Variants in FAM168A observed in about 807,000 individuals in gnomAD.
The protein encoded by FAM168A is family with sequence similarity 168 member A, also known as protein FAM168A.
In FAM168A, 3 loss-of-function variants were observed where a neutral mutation model predicts 28.5. The ratio of observed to expected loss-of-function variants is 0.11; its 90% CI spans 0.05 to 0.27. The LOEUF (loss-of-function observed/expected upper bound fraction) is 0.27, where lower values mean the gene tolerates loss of function less well. FAM168A is among the 10% of genes least tolerant of loss of function. The pLI, the probability that FAM168A is intolerant of heterozygous loss-of-function variation, is 1.00. For missense variants in FAM168A, 222 were observed against 311.5 expected (o/e 0.71, Z 2.16); for synonymous variants, 122 against 124.2 (o/e 0.98, Z 0.12).
intron 1 of FAM168A, among the ~76,000 whole-genome samples, chr11:73,581,867 C>T (rs572532867): frequency 6.6e-6 from 1 of 152,056 alleles, no homozygotes; most frequent in Non-Finnish European, 1.5e-5. Context: ...TACAGGCATG[C>T]GCCACCATGC....
intron 1 of FAM168A, among the ~76,000 whole-genome samples, chr11:73,529,854 G>A (rs1016613590): frequency 1.4e-5 from 2 of 142,934 alleles, no homozygotes; most frequent in Admixed American, 7.2e-5. Flanking sequence ...GAGAGCAATC[G>A]CAGCTCACTG....
At chr11:73,468,343 G>C (rs1867767089) in intron 2 of FAM168A, 62 bp downstream of exon 2, 4 of 1,510,048 alleles carry the variant, frequency 2.6e-6, no homozygotes, top group Non-Finnish European at 3.7e-6. Context: ...GGAGGAGCAA[G>C]TTATTTGGTA....
intron 2 of FAM168A, among the ~76,000 whole-genome samples, chr11:73,454,132 A>T (rs551988406): frequency 2.0e-4 from 30 of 152,166 alleles, no homozygotes; most frequent in Non-Finnish European, 4.0e-4. Flanking sequence ...CCTCATCTTA[A>T]TCTGTTTCTG....
chr11:73,498,533 A>T lies in FAM168A; in HGVS notation c.-18-30041T>A, dbSNP rs1363643458. ...GGAGGGGCGACCAGCACTGGGTTGC[A>T]GTGGCCCACTGTCTAAGCCGTTTGA... On this transcript the variant is annotated intron_variant, in intron 1 of 7. Transcript: ENST00000356467. Among the ~76,000 whole-genome samples the T allele has an allele frequency of 3.3e-5, 5 of 152,130 alleles. No homozygotes were observed. In the South Asian group the frequency reaches 1.0e-3, roughly 32 times the overall value.
intron 1 of FAM168A, among the ~76,000 whole-genome samples, chr11:73,500,983 G>C (rs1018661074): frequency 6.7e-6 from 1 of 149,228 alleles, no homozygotes; most frequent in South Asian, 2.1e-4. Context: ...AAAATAAAGG[G>C]ATGGAAGAAA....
At chr11:73,472,966 T>C (rs1268408184) in intron 1 of FAM168A, among the ~76,000 whole-genome samples, 1 of 151,986 alleles carries the variant, frequency 6.6e-6, no homozygotes, top group Non-Finnish European at 1.5e-5. Flanking sequence ...CCATAGAAGG[T>C]TAGCCATTAG....
chr11:73,470,401 G>A (rs910870314), intron 1 of FAM168A, among the ~76,000 whole-genome samples: 4 of 152,160 alleles, frequency 2.6e-5, no homozygotes, highest in Admixed American at 6.5e-5. Context: ...ATAAAGTGCT[G>A]CAGTGGTTTG....
chr11:73,450,942 A>T (rs1049275819), intron 2 of FAM168A, among the ~76,000 whole-genome samples: 1 of 152,188 alleles, frequency 6.6e-6, no homozygotes, highest in Admixed American at 6.5e-5. Context: ...CTAAGAAAAA[A>T]ACTCTTAGAC....
At chr11:73,437,116 C>T (rs75375167) in intron 2 of FAM168A, among the ~76,000 whole-genome samples, 1 of 149,908 alleles carries the variant, frequency 6.7e-6, no homozygotes, top group Non-Finnish European at 1.5e-5. Flanking sequence ...TTTTTTTTTC[C>T]AAGACGGAGT....
chr11:73,455,761 T>C (rs1204957772), intron 2 of FAM168A, among the ~76,000 whole-genome samples: 1 of 152,210 alleles, frequency 6.6e-6, no homozygotes, highest in East Asian at 1.9e-4. Context: ...CCCCCTCCTA[T>C]GGCAGTAGAA....
chr11:73,465,032 C>G (rs1383758595), intron 2 of FAM168A, among the ~76,000 whole-genome samples: 1 of 151,748 alleles, frequency 6.6e-6, no homozygotes, highest in Non-Finnish European at 1.5e-5. Context: ...TGCATTACAA[C>G]AACCATTAAT....
intron 1 of FAM168A, among the ~76,000 whole-genome samples, chr11:73,498,199 C>T (rs772355234): frequency 2.6e-5 from 4 of 152,118 alleles, no homozygotes; most frequent in Non-Finnish European, 4.4e-5. Flanking sequence ...GAATCCTTCG[C>T]CGGCCACCAA....
intron 3 of FAM168A, among the ~76,000 whole-genome samples, chr11:73,423,176 C>G (rs563094300): frequency 1.8e-4 from 27 of 152,270 alleles, no homozygotes; most frequent in African/African-American, 6.5e-4. Flanking sequence ...GTTTCTAGTT[C>G]TGGTTTCTGT....
chr11:73,473,653 C>T (rs116403203), intron 1 of FAM168A, among the ~76,000 whole-genome samples: 1 of 152,046 alleles, frequency 6.6e-6, no homozygotes, highest in African/African-American at 2.4e-5. Context: ...TTGCTTTTTC[C>T]CCACACCTAG....
chr11:73,472,058 GA>G (rs1867822448), intron 1 of FAM168A, among the ~76,000 whole-genome samples: 1 of 152,106 alleles, frequency 6.6e-6, no homozygotes, highest in African/African-American at 2.4e-5. Flanking sequence ...ACATACGAAG[GA>G]ATCTAGGTTG....
At position 73,437,081 on chromosome 11, in the gene FAM168A, G is replaced by A. The variant is rs1040624415; in HGVS notation, c.71-6311C>T. Reference sequence around the variant, plus strand: ...TTTATAGTGGCACACATGACTGGCAGCATAGCCTCTGCCAGCATACTTTTT... The same window carrying A: ...TTTATAGTGGCACACATGACTGGCAACATAGCCTCTGCCAGCATACTTTTT... On this transcript the variant is annotated intron_variant, in intron 2 of 7. Coordinates refer to ENST00000356467, the MANE Select transcript of FAM168A (RefSeq NM_015159.3). 2.6e-5 allele frequency among the ~76,000 whole-genome samples: 4 copies of A among 151,586 alleles called. No homozygotes were observed. The East Asian group carries it at 7.7e-4, about 29-fold the overall frequency.
chr11:73,519,785 T>C (rs553944439), intron 1 of FAM168A, among the ~76,000 whole-genome samples: 1 of 150,378 alleles, frequency 6.6e-6, no homozygotes, highest in South Asian at 2.1e-4. Flanking sequence ...TGTATGTGTG[T>C]GTGTGTGTGC....
At chr11:73,485,163 T>C (rs1868036909) in intron 1 of FAM168A, among the ~76,000 whole-genome samples, 1 of 152,212 alleles carries the variant, frequency 6.6e-6, no homozygotes, top group African/African-American at 2.4e-5. Flanking sequence ...TGTTGTTAAA[T>C]ATACATAACA....
At position 73,409,590 on chromosome 11, in the gene FAM168A, G is replaced by C; in HGVS notation, c.492C>G (p.Pro164=). 1 of 1,614,020 alleles carries C rather than the reference G, an allele frequency of 6.2e-7. No homozygotes were observed. Among genetic ancestry groups the C allele is most frequent in the African/African-American group, 1.3e-5 (1 of 75,048 alleles). Residue 164 remains proline, a synonymous_variant, in exon 6 of 8, where the codon CCC becomes CCG. Coordinates refer to ENST00000356467, the MANE Select transcript of FAM168A (RefSeq NM_015159.3). ...HVIHHTTVVQ[P]NSIPSAIYPA... Reference sequence around the variant, plus strand: ...GGTAGATAGCAGAGGGAATGCTGTTGGGCTGGACGACCGTGGTATGGTGGA... The same window carrying C: ...GGTAGATAGCAGAGGGAATGCTGTTCGGCTGGACGACCGTGGTATGGTGGA...
Sources: allele counts gnomAD v4.1 joint callset (sites outside exome capture counted in the v4.1 genomes callset), GRCh38; gene constraint gnomAD v4.1.1; transcripts MANE v1.5; gene names NCBI Gene and HGNC (gene_info 2026-07-23, HGNC 2026-07-21).